Variants in EIPR1 observed in about 807,000 individuals in gnomAD.
The protein encoded by EIPR1 is EARP and GARP complex-interacting protein 1.
EIPR1 carries 25 observed loss-of-function variants against 48.1 expected under a neutral mutation model. That is an observed-to-expected ratio of 0.52 (90% CI 0.38 to 0.73). The LOEUF is 0.73. Ranked by LOEUF, EIPR1 falls within the 30% of genes least tolerant of loss-of-function variation. The pLI, the probability that EIPR1 is intolerant of heterozygous loss-of-function variation, is 0.00. For synonymous variants in EIPR1, 204 were observed against 201.9 expected (o/e 1.01, Z -0.09); for missense variants, 415 against 506.2 (o/e 0.82, Z 1.73).
At chr2:3,267,709 A>G (rs1667533313) in intron 3 of EIPR1, among the ~76,000 whole-genome samples, 2 of 151,886 alleles carry the variant, frequency 1.3e-5, no homozygotes, top group Admixed American at 1.3e-4. Context: ...GCCTGGGGCC[A>G]ACATGCTGTG....
At chr2:3,227,733 C>G (rs1484917240) in intron 4 of EIPR1, among the ~76,000 whole-genome samples, 1 of 152,244 alleles carries the variant, frequency 6.6e-6, no homozygotes, top group Non-Finnish European at 1.5e-5. Flanking sequence ...CTACGGCCCC[C>G]CTGCTCTGTG....
intron 3 of EIPR1, among the ~76,000 whole-genome samples, chr2:3,328,587 C>T (rs1669775702): frequency 6.7e-6 from 1 of 148,266 alleles, no homozygotes; most frequent in African/African-American, 2.5e-5. Flanking sequence ...TCAGACTCTA[C>T]CCACCACGCT....
chr2:3,282,087 C>T (rs1397847171), intron 3 of EIPR1, among the ~76,000 whole-genome samples: 3 of 152,316 alleles, frequency 2.0e-5, no homozygotes, highest in East Asian at 1.9e-4. Flanking sequence ...TTGGTGCAGC[C>T]GTCAAGTGAA....
intron 3 of EIPR1, among the ~76,000 whole-genome samples, chr2:3,305,125 C>A (rs1412580242): frequency 7.2e-6 from 1 of 139,558 alleles, no homozygotes; most frequent in African/African-American, 2.8e-5. Context: ...CCGTCCAGTT[C>A]AGCCCTCCAG....
intron 1 of EIPR1, among the ~76,000 whole-genome samples, chr2:3,369,295 C>G (rs929216193): frequency 1.3e-5 from 2 of 152,202 alleles, no homozygotes; most frequent in Non-Finnish European, 2.9e-5. Flanking sequence ...CTAGAGCTCC[C>G]AGCGTGAGCA....
Position 3,203,225 on chromosome 2 carries a change from T to C in EIPR1, c.517-6208A>G, listed in dbSNP as rs556260200. On this transcript the variant is annotated intron_variant, in intron 5 of 8. Transcript: ENST00000382125. ...TAACAAGTGACAGAGCCAGGGTGAA[T>C]GATAATAACGTACGTTGAGAGGGAT... Among the ~76,000 whole-genome samples the C allele has an allele frequency of 2.6e-5, 4 of 152,288 alleles. No individual in the cohort carries two copies. In the South Asian group the frequency reaches 6.2e-4, roughly 24 times the overall value.
At chr2:3,320,775 C>A (rs1185543026) in intron 3 of EIPR1, among the ~76,000 whole-genome samples, 1 of 152,204 alleles carries the variant, frequency 6.6e-6, no homozygotes, top group Non-Finnish European at 1.5e-5. Context: ...GAAACCCTTT[C>A]TGTTGTTAAT....
At chr2:3,301,490 A>G (rs1049261527) in intron 3 of EIPR1, 1 of 152,136 alleles carries the variant, frequency 6.6e-6, no homozygotes, top group African/African-American at 2.4e-5. Context: ...AACACTGAGG[A>G]GTCTCCCAGG....
At chr2:3,235,383 G>T (rs1666368192) in intron 4 of EIPR1, among the ~76,000 whole-genome samples, 1 of 152,086 alleles carries the variant, frequency 6.6e-6, no homozygotes, top group Admixed American at 6.5e-5. Context: ...GTTACCAAAG[G>T]TTTCCTTTAG....
chr2:3,325,117 C>CA (rs1267993723), intron 3 of EIPR1, among the ~76,000 whole-genome samples: 1 of 152,204 alleles, frequency 6.6e-6, no homozygotes, highest in African/African-American at 2.4e-5. Flanking sequence ...CCCAGGGAGA[C>CA]AGAGCTACAA....
intron 5 of EIPR1, among the ~76,000 whole-genome samples, chr2:3,212,097 G>A (rs998086146): frequency 2.0e-5 from 3 of 152,326 alleles, no homozygotes; most frequent in Middle Eastern, 3.4e-3. Context: ...GGCTTGAATC[G>A]ATAGGAGGTT....
intron 4 of EIPR1, among the ~76,000 whole-genome samples, chr2:3,235,918 G>A (rs1257276085): frequency 2.6e-5 from 4 of 152,162 alleles, no homozygotes; most frequent in Admixed American, 2.6e-4. Flanking sequence ...GGAGCTTTAC[G>A]ACAGCTCTCC....
In EIPR1 at chr2:3,342,893, G is replaced by C. The variant is rs189336606; in HGVS notation, c.127-4744C>G. ...GTGCAAGTACACATCTTCATGAACT[G>C]TTTTAACTCGGGGCTGTTCAAACAG... On this transcript the variant is annotated intron_variant, in intron 2 of 8. Transcript: ENST00000382125. 2.6e-5 allele frequency among the ~76,000 whole-genome samples: 4 copies of C among 152,324 alleles called. No individual in the cohort carries two copies. The East Asian group carries it at 7.7e-4, about 29-fold the overall frequency.
intron 2 of EIPR1, among the ~76,000 whole-genome samples, chr2:3,352,033 G>A (rs1011049527): frequency 4.2e-5 from 5 of 120,142 alleles, no homozygotes; most frequent in African/African-American, 6.2e-5. Flanking sequence ...TGTCTGTTCC[G>A]GACACCTTTG....
At position 3,337,997 on chromosome 2, in the gene EIPR1, C is replaced by CT; in HGVS notation, c.259+19dup. 6.3e-7 allele frequency: 1 copy of CT among 1,582,334 alleles called. No individual in the cohort carries two copies. The highest frequency in any genetic ancestry group is 1.4e-5 in the African/African-American group (1 of 73,156). Reference sequence around the variant, plus strand: ...CCAGTTACCTCCAGTTAGCAAGTACCTTAGAAAAGCCGCACTTACTTCTGT... The same window carrying CT: ...CCAGTTACCTCCAGTTAGCAAGTACCTTTAGAAAAGCCGCACTTACTTCTGT... On this transcript the variant is annotated intron_variant, in intron 3 of 8. Coordinates refer to ENST00000382125, the MANE Select transcript of EIPR1 (RefSeq NM_003310.5).
intron 5 of EIPR1, among the ~76,000 whole-genome samples, chr2:3,202,774 C>T (rs1665094418): frequency 6.6e-6 from 1 of 152,222 alleles, no homozygotes; most frequent in Admixed American, 6.5e-5. Flanking sequence ...AAATGGAGCA[C>T]CGCTTGCGTC....
chr2:3,276,777 G>C (rs1276582574), intron 3 of EIPR1, among the ~76,000 whole-genome samples: 3 of 152,222 alleles, frequency 2.0e-5, no homozygotes, highest in Non-Finnish European at 4.4e-5. Context: ...TGTGCACTGG[G>C]TTCACAGTTT....
intron 3 of EIPR1, among the ~76,000 whole-genome samples, chr2:3,308,641 G>A (rs1037077450): frequency 5.9e-5 from 9 of 152,142 alleles, no homozygotes; most frequent in African/African-American, 1.9e-4. Context: ...GAAGGACGTT[G>A]CCTACAGATT....
intron 3 of EIPR1, among the ~76,000 whole-genome samples, chr2:3,270,034 C>T (rs1172287631): frequency 6.6e-6 from 1 of 152,214 alleles, no homozygotes; most frequent in African/African-American, 2.4e-5. Flanking sequence ...GAAATCATAC[C>T]AGGAGGCAAA....
Sources: allele counts gnomAD v4.1 joint callset (sites outside exome capture counted in the v4.1 genomes callset), GRCh38; gene constraint gnomAD v4.1.1; transcripts MANE v1.5; gene names NCBI Gene and HGNC (gene_info 2026-07-23, HGNC 2026-07-21).